The following ATOSA variants were observed in gnomAD, a reference collection of about 807,000 sequenced individuals.
ATOSA encodes the protein atos homolog A, also known as atos homolog protein A.
chr15:52,599,882 C>T, the ATOSA span, among the ~76,000 whole-genome samples: 1 of 152,172 alleles, frequency 6.6e-6, no homozygotes, highest in Non-Finnish European at 1.5e-5. Flanking sequence ...GTAACAGATT[C>T]CTCAATCCAA....
At chr15:52,703,841 T>C in the ATOSA span, among the ~76,000 whole-genome samples, 1 of 152,184 alleles carries the variant, frequency 6.6e-6, no homozygotes, top group East Asian at 1.9e-4. Flanking sequence ...TAAAGTATAA[T>C]TTTTTAAAAC....
the ATOSA span, among the ~76,000 whole-genome samples, chr15:52,689,312 A>G: frequency 2.0e-4 from 31 of 152,182 alleles, no homozygotes; most frequent in African/African-American, 7.2e-4. Context: ...TGCTATATAC[A>G]TGACATTTTC....
chr15:52,686,665 T>A, the ATOSA span, among the ~76,000 whole-genome samples: 17 of 152,344 alleles, frequency 1.1e-4, no homozygotes, highest in African/African-American at 3.8e-4. Context: ...CATAGAGAAT[T>A]CTAGGAGCTA....
the ATOSA span, among the ~76,000 whole-genome samples, chr15:52,588,539 A>C: frequency 6.6e-6 from 1 of 152,122 alleles, no homozygotes; most frequent in Admixed American, 6.6e-5. Flanking sequence ...CCCGGGTTCA[A>C]GCGATTCTTC....
At chr15:52,609,121 T>TAA in the ATOSA span, 2 of 1,613,498 alleles carry the variant, frequency 1.2e-6, no homozygotes, top group Non-Finnish European at 1.7e-6. Context: ...TGTCTCCTGA[T>TAA]ACGTACTTTG....
At chr15:52,653,350 T>G in the ATOSA span, among the ~76,000 whole-genome samples, 1 of 152,160 alleles carries the variant, frequency 6.6e-6, no homozygotes, top group Non-Finnish European at 1.5e-5. Flanking sequence ...AAGAAGCTTC[T>G]AGGATTCCTG....
the ATOSA span, chr15:52,611,106 C>CT: frequency 2.0e-4 from 309 of 1,553,278 alleles, no homozygotes; most frequent in South Asian, 7.7e-4. Context: ...ACGCACTGTC[C>CT]TTTTTTTTTG....
At chr15:52,602,974 T>A in the ATOSA span, among the ~76,000 whole-genome samples, 52 of 152,330 alleles carry the variant, frequency 3.4e-4, no homozygotes, top group African/African-American at 1.3e-3. Flanking sequence ...AAGTTATACT[T>A]CTTCCAGAAT....
the ATOSA span, among the ~76,000 whole-genome samples, chr15:52,694,457 A>T: frequency 6.6e-5 from 10 of 151,990 alleles, 1 homozygote; most frequent in Admixed American, 6.6e-4. Flanking sequence ...GAGCCACCGC[A>T]CCCGGCCTGC....
the ATOSA span, among the ~76,000 whole-genome samples, chr15:52,681,446 T>C: frequency 6.6e-6 from 1 of 152,214 alleles, no homozygotes; most frequent in African/African-American, 2.4e-5. Flanking sequence ...GTTTCACCTA[T>C]AAAAGTGAGG....
At chr15:52,654,152 A>G in the ATOSA span, among the ~76,000 whole-genome samples, 1 of 123,010 alleles carries the variant, frequency 8.1e-6, no homozygotes, top group Middle Eastern at 4.5e-3. Flanking sequence ...TGATATATCT[A>G]TAATATAAAT....
At chr15:52,665,203 A>G in the ATOSA span, among the ~76,000 whole-genome samples, 4 of 152,204 alleles carry the variant, frequency 2.6e-5, no homozygotes, top group Admixed American at 1.3e-4. Context: ...CCAAAACCCA[A>G]GCATCACAAA....
chr15:52,583,679 C>T, the ATOSA span, among the ~76,000 whole-genome samples: 3 of 152,168 alleles, frequency 2.0e-5, no homozygotes, highest in Non-Finnish European at 2.9e-5. Flanking sequence ...AGCCACCGTG[C>T]CCGGCTATAC....
At chr15:52,628,683 A>G in the ATOSA span, among the ~76,000 whole-genome samples, 1 of 152,184 alleles carries the variant, frequency 6.6e-6, no homozygotes. Flanking sequence ...TCCTCAAATG[A>G]TATTATGAAT....
the ATOSA span, chr15:52,593,331 C>G: frequency 2.5e-6 from 1 of 403,398 alleles, no homozygotes; most frequent in Non-Finnish European, 4.5e-6. Context: ...TGTCACTAAT[C>G]AATTTTTATC....
chr15:52,611,718 T>G, the ATOSA span: 3 of 1,613,938 alleles, frequency 1.9e-6, no homozygotes, highest in South Asian at 3.3e-5. Flanking sequence ...CCACCATGAT[T>G]GGAAGGTTAT....
chr15:52,617,483 CG>C, the ATOSA span, among the ~76,000 whole-genome samples: 1 of 151,840 alleles, frequency 6.6e-6, no homozygotes, highest in East Asian at 1.9e-4. Context: ...ACTAAAACAT[CG>C]GGGAAAATAA....
chr15:52,694,771 G>C, the ATOSA span, among the ~76,000 whole-genome samples: 1 of 151,930 alleles, frequency 6.6e-6, no homozygotes, highest in African/African-American at 2.4e-5. Context: ...GATATACATA[G>C]AATCCCACTG....
At chr15:52,647,012 T>G in the ATOSA span, among the ~76,000 whole-genome samples, 134,228 of 152,124 alleles carry the variant, frequency 0.88, 59,360 homozygotes, top group East Asian at 1. Context: ...AATGTAGTCA[T>G]TTAAAATTAG....
Sources: allele counts gnomAD v4.1 joint callset (sites outside exome capture counted in the v4.1 genomes callset), GRCh38; gene constraint gnomAD v4.1.1; transcripts MANE v1.5; gene names NCBI Gene and HGNC (gene_info 2026-07-23, HGNC 2026-07-21).